NCAM2: variants seen among roughly 807,000 people sequenced by gnomAD.
NCAM2 encodes the protein neural cell adhesion molecule 2, also known as N-CAM-2.
NCAM2 carries 30 observed loss-of-function variants against 98.1 expected under a neutral mutation model. That is an observed-to-expected ratio of 0.31 (90% CI 0.23 to 0.41). NCAM2 has a LOEUF of 0.41. NCAM2 is among the 10% of genes least tolerant of loss of function. The pLI is 1.00. For missense variants in NCAM2, 867 were observed against 1,005.8 expected, an observed-to-expected ratio of 0.86 and a Z score of 1.87; for synonymous variants, 368 against 342.4, an observed-to-expected ratio of 1.07 and a Z score of -0.83.
chr21:21,395,627 A>G, intron 9 of NCAM2, among the ~76,000 whole-genome samples: 1 of 152,204 alleles, frequency 6.6e-6, no homozygotes, highest in Non-Finnish European at 1.5e-5. Flanking sequence ...ACTATACTAT[A>G]AGGCTATAGT....
At chr21:21,274,832 A>G (rs2072663511) in intron 1 of NCAM2, among the ~76,000 whole-genome samples, 1 of 152,194 alleles carries the variant, frequency 6.6e-6, no homozygotes, top group African/African-American at 2.4e-5. Flanking sequence ...AGTGAACCAA[A>G]GCAGGCTCTG....
chr21:21,491,567 A>G (rs1053641890), intron 15 of NCAM2, among the ~76,000 whole-genome samples: 2 of 151,772 alleles, frequency 1.3e-5, no homozygotes, highest in Admixed American at 6.6e-5. Context: ...TTTATAGTGT[A>G]AAAATAATTT....
intron 14 of NCAM2, among the ~76,000 whole-genome samples, chr21:21,473,252 C>T (rs1418059444): frequency 6.6e-6 from 1 of 150,392 alleles, no homozygotes; most frequent in African/African-American, 2.4e-5. Flanking sequence ...TGATGCTTCT[C>T]GTTTGCCCAT....
At chr21:21,358,191 T>C (rs1259623349) in intron 8 of NCAM2, among the ~76,000 whole-genome samples, 1 of 152,116 alleles carries the variant, frequency 6.6e-6, no homozygotes, top group Non-Finnish European at 1.5e-5. Flanking sequence ...TTCCCTGATA[T>C]TCTGTCTTGT....
At chr21:21,006,630 T>G (rs2064118535) in intron 1 of NCAM2, among the ~76,000 whole-genome samples, 1 of 152,156 alleles carries the variant, frequency 6.6e-6, no homozygotes, top group South Asian at 2.1e-4. Flanking sequence ...ATGAAGACAT[T>G]AAGAAAAATA....
chr21:21,300,021 A>C (rs938907132), intron 5 of NCAM2, among the ~76,000 whole-genome samples: 2 of 152,142 alleles, frequency 1.3e-5, no homozygotes, highest in Non-Finnish European at 2.9e-5. Flanking sequence ...TATTTTAAAA[A>C]AATTGTTCTA....
intron 9 of NCAM2, among the ~76,000 whole-genome samples, chr21:21,376,907 C>G (rs1203878779): frequency 3.3e-5 from 5 of 151,522 alleles, no homozygotes; most frequent in Non-Finnish European, 5.9e-5. Flanking sequence ...TGAGTATCCC[C>G]TGAGATTATT....
At chr21:21,178,018 G>A (rs1036302228) in intron 1 of NCAM2, among the ~76,000 whole-genome samples, 1 of 151,970 alleles carries the variant, frequency 6.6e-6, no homozygotes, top group Admixed American at 6.6e-5. Flanking sequence ...GATTTTAGAT[G>A]GAATAGGAAT....
intron 15 of NCAM2, among the ~76,000 whole-genome samples, chr21:21,498,705 G>T (rs577911989): frequency 5.6e-4 from 86 of 152,270 alleles, no homozygotes; most frequent in African/African-American, 2.0e-3. Flanking sequence ...GAACACAAAA[G>T]AAGTACAGTA....
intron 1 of NCAM2, among the ~76,000 whole-genome samples, chr21:21,206,336 C>T (rs1054008839): frequency 6.6e-6 from 1 of 152,096 alleles, no homozygotes. Context: ...TCTGTTATCA[C>T]TTAACTGTTC....
chr21:21,059,124 CTT>C (rs1052166655), intron 1 of NCAM2, among the ~76,000 whole-genome samples: 1 of 152,048 alleles, frequency 6.6e-6, no homozygotes, highest in Non-Finnish European at 1.5e-5. Context: ...GTGACTACCT[CTT>C]ATATAATTTA....
Position 21,479,541 on chromosome 21 carries a change from G to C in NCAM2, c.2077+2070G>C, listed in dbSNP as rs567445025. Among the ~76,000 whole-genome samples, 9 of 124,854 alleles carry C rather than the reference G, an allele frequency of 7.2e-5. No individual in the cohort carries two copies. In the South Asian group the frequency reaches 2.0e-3, roughly 28 times the overall value. 81.9% of individuals were successfully genotyped at this position (124,854 alleles called of 152,430 possible). A position where few individuals can be genotyped will look rare whatever the true frequency, so the allele number is the denominator to read the frequency against. ...GGAGCTTGCAGTGAGCCGAGACCGC[G>C]CCACTGCACTCCAGCCTGGGAGACA... On this transcript the variant is annotated intron_variant, in intron 15 of 17. Coordinates refer to ENST00000400546, the MANE Select transcript of NCAM2 (RefSeq NM_004540.5).
At chr21:21,404,067 G>T (rs1029351378) in intron 9 of NCAM2, among the ~76,000 whole-genome samples, 1 of 151,984 alleles carries the variant, frequency 6.6e-6, no homozygotes, top group Admixed American at 6.6e-5. Context: ...GCTTTCAAGT[G>T]TCTTACTACA....
chr21:21,163,476 A>T (rs1171050751), intron 1 of NCAM2, among the ~76,000 whole-genome samples: 1 of 150,456 alleles, frequency 6.6e-6, no homozygotes, highest in Non-Finnish European at 1.5e-5. Flanking sequence ...CGTTTGCTTT[A>T]TTTTTTTTTG....
intron 1 of NCAM2, among the ~76,000 whole-genome samples, chr21:21,013,011 C>G (rs2064238388): frequency 1.3e-5 from 2 of 152,184 alleles, no homozygotes; most frequent in South Asian, 2.1e-4. Context: ...ATTTGTCCCT[C>G]TCTTCAGACC....
intron 15 of NCAM2, among the ~76,000 whole-genome samples, chr21:21,479,582 T>TCAAAAAAAAAAAAAAAAAAAA (rs1985611912): frequency 5.6e-5 from 1 of 17,916 alleles, no homozygotes. Flanking sequence ...AGACTGCGTC[T>TCAAAAAAAAAAAAAAAAAAAA]CAAAAAAAAA....
intron 12 of NCAM2, among the ~76,000 whole-genome samples, chr21:21,458,007 G>A (rs1460466070): frequency 3.3e-5 from 5 of 152,160 alleles, no homozygotes; most frequent in African/African-American, 1.2e-4. Flanking sequence ...AGACAATGGA[G>A]GAATGTCCAT....
At chr21:21,241,278 A>C (rs530375082) in intron 1 of NCAM2, among the ~76,000 whole-genome samples, 1 of 151,932 alleles carries the variant, frequency 6.6e-6, no homozygotes, top group African/African-American at 2.4e-5. Flanking sequence ...CATTGACCTT[A>C]AAAAAAGATA....
intron 15 of NCAM2, among the ~76,000 whole-genome samples, chr21:21,483,784 A>T (rs190191403): frequency 2.0e-5 from 3 of 152,248 alleles, no homozygotes; most frequent in Admixed American, 6.5e-5. Flanking sequence ...AAATATTTTC[A>T]TAATCTTTGG....
Sources: allele counts gnomAD v4.1 joint callset (sites outside exome capture counted in the v4.1 genomes callset), GRCh38; gene constraint gnomAD v4.1.1; transcripts MANE v1.5; gene names NCBI Gene and HGNC (gene_info 2026-07-23, HGNC 2026-07-21).